Variants in MRPS18B observed in about 807,000 individuals in gnomAD.
MRPS18B encodes the protein small ribosomal subunit protein mS40.
MRPS18B carries 27 observed loss-of-function variants against 28.4 expected under a neutral mutation model. That is an observed-to-expected ratio of 0.95 (90% CI 0.70 to 1.31). The LOEUF (loss-of-function observed/expected upper bound fraction) is 1.31. Ranked by LOEUF, MRPS18B falls within the 40% of genes most tolerant of loss-of-function variation. The probability of loss-of-function intolerance (pLI) is 0.00; values close to 1 mark genes in which losing one functional copy is unlikely to be tolerated. For synonymous variants in MRPS18B, 118 were observed against 123.7 expected, an observed-to-expected ratio of 0.95 and a Z score of 0.30; for missense variants, 343 against 335.9, an observed-to-expected ratio of 1.02 and a Z score of -0.17.
In MRPS18B at chr6:30,619,602, G is replaced by GT; in HGVS notation, c.187+2dup. ...CCCTGGAAATATCTGGAATCAGAAGGTACCTCTAAAGGGGGAAAGGGAGGG... is the reference window on the plus strand; with the variant it reads ...CCCTGGAAATATCTGGAATCAGAAGGTTACCTCTAAAGGGGGAAAGGGAGGG... On this transcript the variant is annotated splice_donor_variant, in intron 2 of 6. Transcript: ENST00000259873. LOFTEE classifies it high-confidence loss of function. 1 of 1,612,152 alleles carries GT rather than the reference G, an allele frequency of 6.2e-7. No homozygotes were observed. Among genetic ancestry groups the GT allele is most frequent in the Admixed American group, 1.7e-5 (1 of 60,010 alleles).
rs111850078 is a variant in MRPS18B, at chr6:30,626,325, A to G, written c.*528A>G. ...TATTGTAAATAGATGGGCTGGGCTAAACATTGTTGCCGTTTCATACTTCTA... is the reference window on the plus strand; with the variant it reads ...TATTGTAAATAGATGGGCTGGGCTAGACATTGTTGCCGTTTCATACTTCTA... On this transcript the variant is annotated 3_prime_UTR_variant, in exon 7 of 7. Coordinates refer to ENST00000259873, the MANE Select transcript of MRPS18B (RefSeq NM_014046.4). The G allele has an allele frequency of 0.019, 3,190 of 166,162 alleles. 42 individuals carry two copies. The highest frequency in any genetic ancestry group is 0.029 in the Non-Finnish European group (2,248 of 76,902). 10.3% of individuals were successfully genotyped at this position (166,162 alleles called of 1,614,324 possible). A position where few individuals can be genotyped will look rare whatever the true frequency, so the allele number is the denominator to read the frequency against.
intron 5 of MRPS18B, among the ~76,000 whole-genome samples, chr6:30,623,884 T>A (rs548701728): frequency 6.6e-6 from 1 of 152,160 alleles, no homozygotes; most frequent in Admixed American, 6.5e-5. Flanking sequence ...CAAGTGATTC[T>A]CCTGCCTCAG....
At chr6:30,618,206 C>T (rs577701950) in intron 1 of MRPS18B, among the ~76,000 whole-genome samples, 90 of 152,110 alleles carry the variant, frequency 5.9e-4, no homozygotes, top group Admixed American at 5.2e-4. Flanking sequence ...CCCCTGTCCA[C>T]CCTCAGTCAT....
chr6:30,625,093 T>A, intron 6 of MRPS18B, 151 bp downstream of exon 6: 3 of 794,696 alleles, frequency 3.8e-6, no homozygotes, highest in Non-Finnish European at 6.1e-6. Context: ...TCCTTTCTCC[T>A]GAGTGTCTTA....
intron 6 of MRPS18B, 60 bp downstream of exon 6, chr6:30,625,002 C>A: frequency 6.3e-7 from 1 of 1,577,888 alleles, no homozygotes; most frequent in Admixed American, 1.7e-5. Flanking sequence ...TGACTTAGGG[C>A]TAGAAAATGG....
intron 1 of MRPS18B, chr6:30,618,600 T>C (rs1285210483): frequency 6.6e-6 from 1 of 152,246 alleles, no homozygotes; most frequent in Non-Finnish European, 1.5e-5. Context: ...ATAGGAAGGC[T>C]TGCCCAGCTG....
Position 30,619,746 on chromosome 6 carries a change from T to C in MRPS18B, c.225T>C (p.Ala75=). 1 of 1,614,230 alleles carries C rather than the reference T, an allele frequency of 6.2e-7. No homozygotes were observed. The highest frequency in any genetic ancestry group is 8.5e-7 in the Non-Finnish European group (1 of 1,180,036). The change falls in exon 3 of 7, where the codon GCT becomes GCC. Residue 75 remains alanine, a synonymous_variant. Transcript: ENST00000259873. ...QERYGSRPVW[A]DYRRNHKGGV... The stretch of plus-strand genomic sequence containing the variant: ...GATATGGTTCTCGCCCCGTCTGGGC[T>C]GACTACCGCCGCAACCACAAGGGTG...
chr6:30,618,199 C>T (rs1462919882), intron 1 of MRPS18B, among the ~76,000 whole-genome samples: 1 of 152,026 alleles, frequency 6.6e-6, no homozygotes, highest in Non-Finnish European at 1.5e-5. Flanking sequence ...GAATTGACCC[C>T]TGTCCACCCT....
At chr6:30,621,503 T>C (rs1561871460) in intron 4 of MRPS18B, among the ~76,000 whole-genome samples, 1 of 152,250 alleles carries the variant, frequency 6.6e-6, no homozygotes, top group Non-Finnish European at 1.5e-5. Flanking sequence ...GCAGAAGCTA[T>C]ATGGCTGATC....
intron 5 of MRPS18B, among the ~76,000 whole-genome samples, chr6:30,624,621 C>T (rs555169600): frequency 6.6e-5 from 10 of 152,282 alleles, no homozygotes; most frequent in Non-Finnish European, 1.5e-4. Context: ...AAATTGTGTT[C>T]TCCCTGTCTT....
intron 1 of MRPS18B, among the ~76,000 whole-genome samples, chr6:30,619,114 C>T (rs1760963683): frequency 6.6e-6 from 1 of 152,152 alleles, no homozygotes; most frequent in African/African-American, 2.4e-5. Flanking sequence ...GATAAGGTTT[C>T]ACCATGTTGG....
Position 30,619,977 on chromosome 6 carries a change from TGTTGACTTTAGG to T in MRPS18B, c.345_354+2del. The T allele has an allele frequency of 6.2e-7, 1 of 1,614,132 alleles. No homozygotes were observed. Among genetic ancestry groups the T allele is most frequent in the South Asian group, 1.1e-5 (1 of 91,088 alleles). On this transcript the variant is annotated inframe_deletion and splice_region_variant, in exon 4 of 7. Coordinates refer to ENST00000259873, the MANE Select transcript of MRPS18B (RefSeq NM_014046.4). ...CCATCTGTCGAGATCACAAGTTGCA[TGTTGACTTTAGG>T]GTAAGGAGAGTCTTTTCTTTTTAGG...
chr6:30,620,411 C>T (rs1216569333), intron 4 of MRPS18B, among the ~76,000 whole-genome samples: 1 of 152,130 alleles, frequency 6.6e-6, no homozygotes, highest in East Asian at 1.9e-4. Context: ...AGGTGCCCCA[C>T]ACTTCGTATA....
At chr6:30,623,790 T>TC (rs999990515) in intron 5 of MRPS18B, among the ~76,000 whole-genome samples, 1 of 152,104 alleles carries the variant, frequency 6.6e-6, no homozygotes. Context: ...GTTTTTTTTT[T>TC]TTGAGACGAA....
rs370318731 is a variant in MRPS18B at position 30,619,644 on chromosome 6, A to G, written c.187+43A>G. The G allele has an allele frequency of 7.8e-5, 125 of 1,607,910 alleles. 1 individual carries two copies. Among genetic ancestry groups the G allele is most frequent in the East Asian group, 6.2e-4 (28 of 44,866 alleles). On this transcript the variant is annotated intron_variant, in intron 2 of 6. Transcript: ENST00000259873. ...AAGGGAGGGTCAGATAGGATTTGAG[A>G]TAAGTGGACAGAGCCACCCACTACA...
At chr6:30,620,410 A>T (rs1218442906) in intron 4 of MRPS18B, among the ~76,000 whole-genome samples, 4 of 152,170 alleles carry the variant, frequency 2.6e-5, no homozygotes, top group African/African-American at 9.6e-5. Flanking sequence ...TAGGTGCCCC[A>T]CACTTCGTAT....
At position 30,619,710 on chromosome 6, in the gene MRPS18B, A is replaced by G. The variant is rs1484230437; in HGVS notation, c.189A>G (p.Glu63=). The G allele has an allele frequency of 8.1e-6, 13 of 1,613,810 alleles. No individual in the cohort carries two copies. The highest frequency in any genetic ancestry group is 1.1e-5 in the Non-Finnish European group (13 of 1,180,032). The change falls in exon 3 of 7, where the codon GAA becomes GAG. Residue 63 remains glutamate (E), a splice_region_variant and synonymous_variant. Transcript: ENST00000259873. Reference sequence around the variant, plus strand: ...AACTTGTATGATCTTTCATTTCAGAATACCAGGAGCGATATGGTTCTCGCC... The same window carrying G: ...AACTTGTATGATCTTTCATTTCAGAGTACCAGGAGCGATATGGTTCTCGCC... ...DEPWKYLESE[E]YQERYGSRPV...
Position 30,619,535 on chromosome 6 carries a change from G to C in MRPS18B, c.121G>C (p.Asp41His). Residue 41 changes from aspartate (D) to histidine (H), a missense_variant, in exon 2 of 7, where the codon GAT becomes CAT. Coordinates refer to ENST00000259873, the MANE Select transcript of MRPS18B (RefSeq NM_014046.4). ...TLCTKAPSEEDSLSSVPISPY... is the reference protein window; with the variant it reads ...TLCTKAPSEEHSLSSVPISPY... ...TTGCACCAAAGCTCCCTCTGAGGAA[G>C]ATTCTTTGTCCTCAGTTCCCATTTC... 6.2e-7 allele frequency: 1 copy of C among 1,613,028 alleles called. No individual in the cohort carries two copies. The highest frequency in any genetic ancestry group is 8.5e-7 in the Non-Finnish European group (1 of 1,180,012).
At chr6:30,624,838 A>G (rs1761383211) in intron 5 of MRPS18B, 45 bp from the exon 6 acceptor site, 1 of 1,602,044 alleles carries the variant, frequency 6.2e-7, no homozygotes, top group Non-Finnish European at 8.5e-7. Flanking sequence ...GTTGTGTTCT[A>G]TTATTTACTG....
Sources: gnomAD v4.1 joint callset for allele counts (sites outside exome capture counted in the v4.1 genomes callset) on GRCh38, gnomAD v4.1.1 for gene constraint, MANE v1.5 for transcripts, NCBI Gene and HGNC (gene_info 2026-07-23, HGNC 2026-07-21) for gene names.